Variants in SETD2 observed in about 807,000 individuals in gnomAD.
SETD2 encodes histone-lysine N-methyltransferase SETD2.
Under a neutral mutation model 242.1 loss-of-function variants are expected in SETD2, and 31 were observed. The ratio of observed to expected loss-of-function variants is 0.13; its 90% CI spans 0.10 to 0.17. The LOEUF (loss-of-function observed/expected upper bound fraction) is 0.17. SETD2 is among the 10% of genes least tolerant of loss of function. SETD2 has a pLI of 1.00. For missense variants in SETD2, 2,481 were observed against 3,046.3 expected (o/e 0.81, Z 4.37); for synonymous variants, 1,006 against 1,066.5 (o/e 0.94, Z 1.11).
intron 14 of SETD2, among the ~76,000 whole-genome samples, chr3:47,060,284 G>A (rs970592963): frequency 2.0e-5 from 3 of 152,158 alleles, no homozygotes; most frequent in African/African-American, 7.2e-5. Context: ...ATTAGACAGA[G>A]ATAAGCATAC....
intron 18 of SETD2, among the ~76,000 whole-genome samples, chr3:47,026,288 T>C (rs1356825944): frequency 1.3e-5 from 2 of 152,156 alleles, no homozygotes; most frequent in Non-Finnish European, 2.9e-5. Flanking sequence ...TGGCAATCAC[T>C]AAAAAGTTGG....
rs79907577 is a variant in SETD2, at chr3:47,031,735, T to C, written c.7350+5931A>G. Among the ~76,000 whole-genome samples, 1,487 of 152,300 alleles carry C rather than the reference T, an allele frequency of 9.8e-3. 8 individuals are homozygous for C. The highest frequency in any genetic ancestry group is 0.017 in the South Asian group (84 of 4,826). ...AGGTACAAAGAGTATAAATATCCCT[T>C]TATATTCTTAAAACACTGAGGACCG... is the stretch of plus-strand genomic sequence containing the variant. On this transcript the variant is annotated intron_variant, in intron 18 of 20. Transcript: ENST00000409792.
chr3:47,121,752 C>G lies in SETD2; in HGVS notation c.2884G>C (p.Ala962Pro), dbSNP rs1288231134. 6.2e-7 allele frequency: 1 copy of G among 1,614,156 alleles called. No individual in the cohort carries two copies. The highest frequency in any genetic ancestry group is 1.7e-5 in the Admixed American group (1 of 60,014). The change falls in exon 3 of 21, where the codon GCT (alanine) becomes CCT (proline). Residue 962 changes from alanine (A) to proline (P), a missense_variant. Physicochemically the swap from Ala to Pro is conservative, Grantham distance 27. This residue lies in a region of SETD2 where 1,300 missense variants were observed against 1,259.2 expected (regional missense o/e 1.03). Coordinates refer to ENST00000409792, the MANE Select transcript of SETD2 (RefSeq NM_014159.7). ...AATATGGAATTCCCTTCTTCTTGAG[C>G]CTCTTGCAAACATTTCCCAGATAAC... is the stretch of plus-strand genomic sequence containing the variant. ...NGLSGKCLQE[A>P]QEEGNSILPE...
intron 1 of SETD2, chr3:47,145,574 G>A: frequency 2.5e-6 from 1 of 403,122 alleles, no homozygotes; most frequent in Non-Finnish European, 5.1e-6. Flanking sequence ...TTTGACTGCA[G>A]CCCCTCACAT....
chr3:47,042,515 G>T (rs2107538827), intron 17 of SETD2, 46 bp downstream of exon 17: 1 of 1,605,742 alleles, frequency 6.2e-7, no homozygotes, highest in Non-Finnish European at 8.5e-7. Context: ...CAACTTCTTT[G>T]ATTAAGTAAA....
At chr3:47,037,287 C>G (rs1416844627) in intron 18 of SETD2, among the ~76,000 whole-genome samples, 1 of 121,704 alleles carries the variant, frequency 8.2e-6, no homozygotes, top group East Asian at 3.0e-4. Context: ...CCCCTCCCCC[C>G]CACCCCACAA....
chr3:47,109,616 C>A (rs1338505472), intron 5 of SETD2, among the ~76,000 whole-genome samples: 1 of 152,116 alleles, frequency 6.6e-6, no homozygotes, highest in Non-Finnish European at 1.5e-5. Flanking sequence ...CCACTGCATT[C>A]AAGCCTGGGC....
intron 3 of SETD2, among the ~76,000 whole-genome samples, chr3:47,118,801 G>C (rs1465476566): frequency 6.6e-6 from 1 of 151,886 alleles, no homozygotes; most frequent in Non-Finnish European, 1.5e-5. Context: ...CTAAAGAAAA[G>C]TCAGAGAATT....
intron 1 of SETD2, among the ~76,000 whole-genome samples, chr3:47,145,202 C>T (rs1301955654): frequency 6.6e-6 from 1 of 152,008 alleles, no homozygotes; most frequent in East Asian, 1.9e-4. Context: ...TAAGTATGTC[C>T]AACTTTTTCA....
chr3:47,050,338 G>C (rs527831709), intron 15 of SETD2, among the ~76,000 whole-genome samples: 18 of 152,198 alleles, frequency 1.2e-4, no homozygotes, highest in African/African-American at 4.3e-4. Context: ...CACGGAGTCA[G>C]GATCATCAAG....
At chr3:47,079,344 T>C (rs2041232178) in intron 12 of SETD2, among the ~76,000 whole-genome samples, 1 of 152,134 alleles carries the variant, frequency 6.6e-6, no homozygotes, top group South Asian at 2.1e-4. Flanking sequence ...TAATGATCAC[T>C]TCTAGCTTGG....
intron 1 of SETD2, among the ~76,000 whole-genome samples, chr3:47,156,025 A>T (rs2106840083): frequency 6.6e-6 from 1 of 152,266 alleles, no homozygotes; most frequent in Non-Finnish European, 1.5e-5. Context: ...AACTTTTTTA[A>T]GAAACTGAGC....
At chr3:47,134,949 C>T (rs1404318456) in intron 1 of SETD2, among the ~76,000 whole-genome samples, 3 of 152,106 alleles carry the variant, frequency 2.0e-5, no homozygotes, top group South Asian at 4.1e-4. Context: ...AAAGGTAACA[C>T]TTAACTATAA....
At chr3:47,040,088 C>T (rs1161682322) in intron 17 of SETD2, among the ~76,000 whole-genome samples, 1 of 151,596 alleles carries the variant, frequency 6.6e-6, no homozygotes, top group African/African-American at 2.4e-5. Flanking sequence ...GTAATTCTCC[C>T]GCCTCTCGGC....
chr3:47,072,432 G>A (rs1057383195), intron 12 of SETD2, among the ~76,000 whole-genome samples: 1 of 151,996 alleles, frequency 6.6e-6, no homozygotes, highest in Non-Finnish European at 1.5e-5. Flanking sequence ...GTTATTCCTT[G>A]TTAACAAGTA....
At chr3:47,045,685 T>A (rs369021352) in intron 16 of SETD2, among the ~76,000 whole-genome samples, 6 of 133,220 alleles carry the variant, frequency 4.5e-5, no homozygotes, top group Non-Finnish European at 7.9e-5. Flanking sequence ...GTGACAGAGT[T>A]AAAAAAAAAA....
chr3:47,121,066 C>G lies in SETD2; in HGVS notation c.3570G>C (p.Val1190=), dbSNP rs1482877432. The G allele has an allele frequency of 6.2e-7, 1 of 1,614,124 alleles. No homozygotes were observed. The highest frequency in any genetic ancestry group is 1.1e-5 in the South Asian group (1 of 91,088). ...PLGHPNSEET[V]KAKIPSRQQE... The stretch of plus-strand genomic sequence containing the variant: ...GCTGCCTAGAAGGTATTTTGGCTTT[C>G]ACGGTTTCCTCTGAATTTGGGTGAC... Residue 1190 remains valine, a synonymous_variant, in exon 3 of 21, where the codon GTG becomes GTC. Coordinates refer to ENST00000409792, the MANE Select transcript of SETD2 (RefSeq NM_014159.7).
chr3:47,031,567 C>T (rs2038771630), intron 18 of SETD2, among the ~76,000 whole-genome samples: 3 of 152,148 alleles, frequency 2.0e-5, no homozygotes, highest in Non-Finnish European at 4.4e-5. Flanking sequence ...GAAAATGATT[C>T]CAGATGGAAA....
chr3:47,073,549 G>C (rs2107615249), intron 12 of SETD2, among the ~76,000 whole-genome samples: 1 of 152,226 alleles, frequency 6.6e-6, no homozygotes, highest in South Asian at 2.1e-4. Flanking sequence ...AAAAGAGTGA[G>C]AGGGAGAAGA....
Sources: allele counts gnomAD v4.1 joint callset (sites outside exome capture counted in the v4.1 genomes callset), GRCh38; gene constraint gnomAD v4.1.1; regional missense constraint gnomAD v4.1.1; transcripts MANE v1.5; gene names NCBI Gene and HGNC (gene_info 2026-07-23, HGNC 2026-07-21).